TPD52: variants seen among roughly 807,000 people sequenced by gnomAD.
The protein encoded by TPD52 is prostate and colon associated protein.
TPD52 carries 17 observed loss-of-function variants against 31.3 expected under a neutral mutation model. The observed-to-expected ratio is 0.54, with a 90% CI of 0.37 to 0.82. TPD52 has a LOEUF of 0.82. Among genes scored for constraint, TPD52 ranks in the 40% least tolerant of loss-of-function variants. The pLI is 0.00. For synonymous variants in TPD52, 83 were observed against 89.6 expected, an observed-to-expected ratio of 0.93 and a Z score of 0.42; for missense variants, 212 against 240.1, an observed-to-expected ratio of 0.88 and a Z score of 0.77.
intron 1 of TPD52, among the ~76,000 whole-genome samples, chr8:80,081,721 T>TC (rs1243602260): frequency 6.6e-6 from 1 of 152,128 alleles, no homozygotes; most frequent in Non-Finnish European, 1.5e-5. Context: ...TGTGATTTTT[T>TC]TTTTTTAAAT....
chr8:80,166,724 T>A (rs1016910848), intron 1 of TPD52, among the ~76,000 whole-genome samples: 6 of 151,506 alleles, frequency 4.0e-5, no homozygotes, highest in African/African-American at 1.5e-4. Context: ...ACCAACATGA[T>A]GAAACCCCAT....
intron 1 of TPD52, among the ~76,000 whole-genome samples, chr8:80,101,448 CAAAAAAAAAAAA>C (rs113660828): frequency 5.2e-5 from 6 of 114,732 alleles, no homozygotes; most frequent in South Asian, 3.3e-4. Flanking sequence ...ACTCCCAGCT[CAAAAAAAAAAAA>C]AAAAAAAAAA....
chr8:80,113,606 G>A (rs1807656909), intron 1 of TPD52, among the ~76,000 whole-genome samples: 1 of 152,104 alleles, frequency 6.6e-6, no homozygotes, highest in African/African-American at 2.4e-5. Context: ...CCATAAAAAA[G>A]AATGAAATCC....
chr8:80,112,866 T>C (rs1345417775), intron 1 of TPD52, among the ~76,000 whole-genome samples: 2 of 152,170 alleles, frequency 1.3e-5, no homozygotes, highest in Non-Finnish European at 2.9e-5. Context: ...AGATTTCCGA[T>C]TTTTTCAGGT....
intron 5 of TPD52, among the ~76,000 whole-genome samples, chr8:80,047,547 G>T (rs768699483): frequency 1.3e-4 from 20 of 152,148 alleles, no homozygotes; most frequent in Non-Finnish European, 2.8e-4. Flanking sequence ...CTACAGCAAT[G>T]CCTGGCACAT....
intron 7 of TPD52, among the ~76,000 whole-genome samples, chr8:80,040,960 G>A (rs1238753022): frequency 6.6e-6 from 1 of 152,204 alleles, no homozygotes; most frequent in African/African-American, 2.4e-5. Context: ...TGCATTTATG[G>A]CTCACAAAGC....
intron 1 of TPD52, chr8:80,080,499 G>A (rs746613502): frequency 1.9e-6 from 3 of 1,605,276 alleles, no homozygotes; most frequent in Non-Finnish European, 2.6e-6. Flanking sequence ...CCTGATATCA[G>A]CCTTCAGTTG....
At chr8:80,134,332 A>T (rs971620082) in intron 1 of TPD52, among the ~76,000 whole-genome samples, 1 of 152,234 alleles carries the variant, frequency 6.6e-6, no homozygotes, top group African/African-American at 2.4e-5. Flanking sequence ...CACCTTTACA[A>T]GAGGAAAATG....
At chr8:80,054,573 C>A (rs1227015806) in intron 2 of TPD52, among the ~76,000 whole-genome samples, 2 of 152,010 alleles carry the variant, frequency 1.3e-5, no homozygotes, top group African/African-American at 4.8e-5. Context: ...TATTTTCAGC[C>A]CCAACCTGCA....
At chr8:80,079,602 T>G (rs1468744854) in intron 1 of TPD52, among the ~76,000 whole-genome samples, 2 of 152,198 alleles carry the variant, frequency 1.3e-5, no homozygotes, top group African/African-American at 4.8e-5. Context: ...GATTGCTTAT[T>G]TGGCAAATTA....
intron 5 of TPD52, among the ~76,000 whole-genome samples, chr8:80,046,872 C>T (rs1365517400): frequency 6.6e-6 from 1 of 152,016 alleles, no homozygotes; most frequent in Non-Finnish European, 1.5e-5. Context: ...TTGTTTCTAA[C>T]AGTTATCTGA....
At chr8:80,076,943 A>G (rs916076840) in intron 1 of TPD52, among the ~76,000 whole-genome samples, 11 of 152,002 alleles carry the variant, frequency 7.2e-5, no homozygotes, top group African/African-American at 1.2e-4. Context: ...CTGGGATTAC[A>G]GGCATGATCC....
chr8:80,047,301 G>C (rs1460547302), intron 5 of TPD52, among the ~76,000 whole-genome samples: 1 of 152,028 alleles, frequency 6.6e-6, no homozygotes, highest in Non-Finnish European at 1.5e-5. Flanking sequence ...AAAAACAATA[G>C]CATCTGCTTC....
chr8:80,094,162 G>A (rs1053881532), intron 1 of TPD52, among the ~76,000 whole-genome samples: 5 of 151,750 alleles, frequency 3.3e-5, no homozygotes, highest in Non-Finnish European at 5.9e-5. Flanking sequence ...GATAATTAAC[G>A]TTTAGATGGA....
intron 1 of TPD52, among the ~76,000 whole-genome samples, chr8:80,077,213 T>C (rs1814671578): frequency 6.7e-6 from 1 of 150,260 alleles, no homozygotes; most frequent in Non-Finnish European, 1.5e-5. Context: ...AAGCAGAGGT[T>C]GCAGTGAGCC....
intron 1 of TPD52, among the ~76,000 whole-genome samples, chr8:80,083,416 T>G (rs552577746): frequency 5.9e-5 from 9 of 152,272 alleles, no homozygotes; most frequent in Admixed American, 4.6e-4. Flanking sequence ...AACACCCACA[T>G]GTCAAGGGCG....
At chr8:80,099,509 CT>C (rs756408673) in intron 1 of TPD52, among the ~76,000 whole-genome samples, 3,752 of 134,542 alleles carry the variant, frequency 0.028, 82 homozygotes, top group African/African-American at 0.084. Flanking sequence ...GGTCTAACAT[CT>C]TTTTTTTTTT....
chr8:80,132,020 TTTTC>T (rs753766393), intron 1 of TPD52, among the ~76,000 whole-genome samples: 10 of 142,920 alleles, frequency 7.0e-5, no homozygotes, highest in Admixed American at 3.4e-4. Context: ...AAAAATCTAT[TTTTC>T]TTTCTTTCTT....
At chr8:80,079,183 G>T (rs376118292) in intron 1 of TPD52, among the ~76,000 whole-genome samples, 1 of 152,158 alleles carries the variant, frequency 6.6e-6, no homozygotes, top group Non-Finnish European at 1.5e-5. Context: ...GGGAGCCCAG[G>T]CCCCTTTATT....
Sources: gnomAD v4.1 joint callset for allele counts (sites outside exome capture counted in the v4.1 genomes callset) on GRCh38, gnomAD v4.1.1 for gene constraint, MANE v1.5 for transcripts, NCBI Gene and HGNC (gene_info 2026-07-23, HGNC 2026-07-21) for gene names.